KMT5B: variants seen among roughly 807,000 people sequenced by gnomAD.
The protein encoded by KMT5B is lysine methyltransferase 5B, also known as histone-lysine N-methyltransferase KMT5B.
A neutral mutation model predicts 83.2 loss-of-function variants in KMT5B; 10 were observed. That is an observed-to-expected ratio of 0.12 (90% CI 0.07 to 0.20). The LOEUF (loss-of-function observed/expected upper bound fraction) is 0.20, where lower values mean the gene tolerates loss of function less well. Among genes scored for constraint, KMT5B ranks in the 10% least tolerant of loss-of-function variants. KMT5B has a pLI of 1.00. For synonymous variants in KMT5B, 349 were observed against 388.8 expected, an observed-to-expected ratio of 0.90 and a Z score of 1.20; for missense variants, 753 against 1,067.2, an observed-to-expected ratio of 0.71 and a Z score of 4.10.
At chr11:68,195,375 C>T (rs556867367) in intron 1 of KMT5B, among the ~76,000 whole-genome samples, 123 of 152,248 alleles carry the variant, frequency 8.1e-4, no homozygotes, top group African/African-American at 2.8e-3. Flanking sequence ...ATCATATTTT[C>T]CCCATCCACC....
rs750017627 is a variant in KMT5B at position 68,159,146 on chromosome 11, G to C, written c.1200C>G (p.Gly400=). The C allele has an allele frequency of 6.4e-7, 1 of 1,573,566 alleles. No individual in the cohort carries two copies. The highest frequency in any genetic ancestry group is 1.4e-5 in the African/African-American group (1 of 72,422). ...NATSNRKSSV[G]VKKNSKSRTL... is the part of the protein sequence containing the mutation. Reference sequence around the variant, plus strand: ...TTCTGCTCTTGCTATTCTTTTTTACGCCAACTGAAGATTTTCGGTTAGAAG... The same window carrying C: ...TTCTGCTCTTGCTATTCTTTTTTACCCCAACTGAAGATTTTCGGTTAGAAG... The change falls in exon 11 of 11, where the codon GGC becomes GGG. Residue 400 remains glycine (G), a synonymous_variant. Coordinates refer to ENST00000304363, the MANE Select transcript of KMT5B (RefSeq NM_017635.5).
chr11:68,212,983 C>A (rs1379957488), intron 1 of KMT5B, among the ~76,000 whole-genome samples, 155 bp downstream of exon 1: 1 of 138,754 alleles, frequency 7.2e-6, no homozygotes, highest in Admixed American at 7.0e-5. Context: ...CCGCCCCCCG[C>A]GCCCGGCCGC....
chr11:68,204,814 G>T (rs1369049160), intron 1 of KMT5B, among the ~76,000 whole-genome samples: 1 of 151,642 alleles, frequency 6.6e-6, no homozygotes, highest in Non-Finnish European at 1.5e-5. Flanking sequence ...ATGGGGTTTC[G>T]CCATGTTGGC....
intron 1 of KMT5B, among the ~76,000 whole-genome samples, chr11:68,211,324 G>C (rs777947671): frequency 2.6e-5 from 4 of 152,134 alleles, no homozygotes; most frequent in Non-Finnish European, 4.4e-5. Context: ...AGCAGTTCAG[G>C]GTGTTTGGGA....
chr11:68,157,535 T>C lies in KMT5B; in HGVS notation c.*153A>G, dbSNP rs1052653176. The stretch of plus-strand genomic sequence containing the variant: ...AATTTGCACAAATCAGACTTAAGAA[T>C]TGAGTCAGTATGCTGTACACTTTCT... On this transcript the variant is annotated 3_prime_UTR_variant, in exon 11 of 11. Transcript: ENST00000304363. 14 of 1,127,928 alleles carry C rather than the reference T, an allele frequency of 1.2e-5. No individual in the cohort carries two copies. The highest frequency in any genetic ancestry group is 8.0e-5 in the African/African-American group (5 of 62,454). 69.9% of individuals were successfully genotyped at this position (1,127,928 alleles called of 1,614,324 possible).
rs75413221 is a variant in KMT5B, at chr11:68,160,714, T to C, written c.1175-1543A>G. 3.9e-3 allele frequency among the ~76,000 whole-genome samples: 588 copies of C among 152,024 alleles called. 4 individuals carry two copies. Among genetic ancestry groups the C allele is most frequent in the Non-Finnish European group, 5.8e-3 (391 of 67,970 alleles). On this transcript the variant is annotated intron_variant, in intron 10 of 10. Transcript: ENST00000304363. ...TCCAAAAATATCAAACCACCAAGAA[T>C]AGAAGGCTCTGCACCTGAGGTCAGG...
At chr11:68,187,556 G>T (rs1170409442) in intron 2 of KMT5B, among the ~76,000 whole-genome samples, 1 of 152,102 alleles carries the variant, frequency 6.6e-6, no homozygotes, top group African/African-American at 2.4e-5. Context: ...TACCTTTTAT[G>T]ATTTCAATCC....
intron 1 of KMT5B, among the ~76,000 whole-genome samples, chr11:68,199,826 C>G (rs193007544): frequency 6.6e-6 from 1 of 152,080 alleles, no homozygotes; most frequent in African/African-American, 2.4e-5. Flanking sequence ...CTGAAGGTTC[C>G]GCTGATAGTC....
chr11:68,195,985 C>T (rs911418358), intron 1 of KMT5B, among the ~76,000 whole-genome samples: 45 of 151,950 alleles, frequency 3.0e-4, no homozygotes, highest in Admixed American at 8.5e-4. Context: ...GGTGAAACCC[C>T]GTCTCTACCA....
intron 2 of KMT5B, among the ~76,000 whole-genome samples, chr11:68,187,375 G>A (rs1857537889): frequency 6.6e-6 from 1 of 152,102 alleles, no homozygotes; most frequent in African/African-American, 2.4e-5. Context: ...GTAAGTTTTA[G>A]TATGTTTTAT....
At position 68,200,226 on chromosome 11, in the gene KMT5B, C is replaced by T. The variant is rs905353624; in HGVS notation, c.-76-10074G>A. 1.8e-4 allele frequency among the ~76,000 whole-genome samples: 28 copies of T among 152,066 alleles called. 2 individuals are homozygous for T. Among genetic ancestry groups the T allele is most frequent in the African/African-American group, 5.6e-4 (23 of 41,410 alleles). On this transcript the variant is annotated intron_variant, in intron 1 of 10. Coordinates refer to ENST00000304363, the MANE Select transcript of KMT5B (RefSeq NM_017635.5). ...TCAATGAAGTCCAAGGACTGGGTGT[C>T]GGGGGCACTTTAACATGTATAGGTC...
intron 10 of KMT5B, chr11:68,166,530 T>A: frequency 3.0e-6 from 3 of 1,004,864 alleles, no homozygotes; most frequent in Non-Finnish European, 3.6e-6. Flanking sequence ...CAGCAAGCAA[T>A]GAAAAGGTGG....
At chr11:68,179,843 G>A (rs1171322998) in intron 4 of KMT5B, 5 of 395,960 alleles carry the variant, frequency 1.3e-5, no homozygotes, top group Admixed American at 4.1e-5. Context: ...GAAAATAAAC[G>A]AGAACCAAAA....
chr11:68,201,823 T>C (rs1408076030), intron 1 of KMT5B, among the ~76,000 whole-genome samples: 1 of 150,718 alleles, frequency 6.6e-6, no homozygotes, highest in African/African-American at 2.5e-5. Context: ...CTCACGCCTG[T>C]AATCCCAACA....
rs546282509 is a variant in KMT5B, at chr11:68,207,891, G to C, written c.-77+5247C>G. 4.6e-5 allele frequency among the ~76,000 whole-genome samples: 7 copies of C among 150,734 alleles called. No homozygotes were observed. In the East Asian group the frequency reaches 8.3e-4, roughly 18 times the overall value. ...GTCTCGCTCTATTGCCCAGGCTGGA[G>C]TGCAGTGGCACGATCTCTGCTCACT... On this transcript the variant is annotated intron_variant, in intron 1 of 10. Transcript: ENST00000304363.
At position 68,198,423 on chromosome 11, in the gene KMT5B, G is replaced by A. The variant is rs1248427613; in HGVS notation, c.-76-8271C>T. 2.0e-5 allele frequency among the ~76,000 whole-genome samples: 3 copies of A among 148,280 alleles called. No homozygotes were observed. In the South Asian group the frequency reaches 6.5e-4, roughly 32 times the overall value. ...GAAAAGAAGAGGAAAGAAGATGAAG[G>A]AAAGGAAAGGAAAAAAGACAAGACA... On this transcript the variant is annotated intron_variant, in intron 1 of 10. Coordinates refer to ENST00000304363, the MANE Select transcript of KMT5B (RefSeq NM_017635.5).
chr11:68,200,204 A>T (rs1420686728), intron 1 of KMT5B, among the ~76,000 whole-genome samples: 1 of 152,208 alleles, frequency 6.6e-6, no homozygotes, highest in Non-Finnish European at 1.5e-5. Flanking sequence ...GTGCAGATCA[A>T]TGAAGTCCAA....
In KMT5B at chr11:68,157,787, A is replaced by G; in HGVS notation, c.2559T>C (p.Pro853=). The G allele has an allele frequency of 6.2e-7, 1 of 1,614,208 alleles. No homozygotes were observed. Among genetic ancestry groups the G allele is most frequent in the Non-Finnish European group, 8.5e-7 (1 of 1,180,036 alleles). The change falls in exon 11 of 11, where the codon CCT becomes CCC. Residue 853 remains proline, a synonymous_variant. Coordinates refer to ENST00000304363, the MANE Select transcript of KMT5B (RefSeq NM_017635.5). ...DDFEDDFIPL[P]PAKRLRLIVG... ...CTATTAACCTCAAGCGCTTAGCTGG[A>G]GGAAGAGGAATAAAATCGTCTTCAA...
At chr11:68,182,139 T>TA (rs1856994679) in intron 3 of KMT5B, among the ~76,000 whole-genome samples, 1 of 152,254 alleles carries the variant, frequency 6.6e-6, no homozygotes, top group South Asian at 2.1e-4. Context: ...AGTCCTCAGT[T>TA]AATGTCTTGA....
Sources: allele counts gnomAD v4.1 joint callset (sites outside exome capture counted in the v4.1 genomes callset), GRCh38; gene constraint gnomAD v4.1.1; transcripts MANE v1.5; gene names NCBI Gene and HGNC (gene_info 2026-07-23, HGNC 2026-07-21).